Variants in TNXB observed in about 807,000 individuals in gnomAD.
TNXB encodes tenascin XB.
TNXB carries 183 observed loss-of-function variants against 340.5 expected under a neutral mutation model. That is an observed-to-expected ratio of 0.54 (90% CI 0.48 to 0.61). TNXB has a LOEUF of 0.61. TNXB is among the 20% of genes least tolerant of loss of function. The pLI, the probability that TNXB is intolerant of heterozygous loss-of-function variation, is 0.00. For missense variants in TNXB, 4,613 were observed against 5,446.4 expected, an observed-to-expected ratio of 0.85 and a Z score of 4.82; for synonymous variants, 2,121 against 2,314.5, an observed-to-expected ratio of 0.92 and a Z score of 2.40.
At chr6:32,078,991 G>T in intron 11 of TNXB, 42 bp downstream of exon 11, 1 of 1,573,988 alleles carries the variant, frequency 6.4e-7, no homozygotes. Context: ...CTGGGAGCCA[G>T]CAGTGGGAGG....
intron 35 of TNXB, 72 bp downstream of exon 35, chr6:32,043,677 G>A (rs1366224627): frequency 2.5e-5 from 40 of 1,609,294 alleles, no homozygotes; most frequent in South Asian, 1.1e-4. Flanking sequence ...CACCCTCCTC[G>A]TTCTCTCTCA....
rs763806880 is a variant in TNXB, at chr6:32,087,522, C to G, written c.2779+1263G>C. On this transcript the variant is annotated intron_variant, in intron 6 of 43. Coordinates refer to ENST00000644971, the MANE Select transcript of TNXB (RefSeq NM_001365276.2). The surrounding 1 kb of genome is among the most constrained non-coding windows in gnomAD (Gnocchi z 9.0). ...GCACCTCTGGCTTGGGGTGGCGGGACGCAGCCACCCGGTCGACGCCTTCAG... is the reference window on the plus strand; with the variant it reads ...GCACCTCTGGCTTGGGGTGGCGGGAGGCAGCCACCCGGTCGACGCCTTCAG... 2 of 468,822 alleles carry G rather than the reference C, an allele frequency of 4.3e-6. No individual in the cohort carries two copies. Among genetic ancestry groups the G allele is most frequent in the Non-Finnish European group, 4.2e-6 (1 of 236,288 alleles). The allele number at this position is 468,822 out of a possible 1,614,324, so 29.0% of individuals were successfully genotyped here.
intron 1 of TNXB, among the ~76,000 whole-genome samples, chr6:32,103,722 C>T (rs937003408): frequency 4.0e-5 from 6 of 150,116 alleles, no homozygotes; most frequent in Admixed American, 2.7e-4. Flanking sequence ...CACAGTTCAC[C>T]GCATCTTTTT....
Position 32,049,375 on chromosome 6 carries a change from C to T in TNXB, c.9652G>A (p.Glu3218Lys), listed in dbSNP as rs973564766. 9.9e-6 allele frequency: 16 copies of T among 1,612,406 alleles called. No homozygotes were observed. The highest frequency in any genetic ancestry group is 9.3e-5 in the African/African-American group (7 of 74,886). Reference sequence around the variant, plus strand: ...GGCTCCAGGCCCCCCACGGTGACCTCGCTCTCCTCGCCCCTGACACGCACC... The same window carrying T: ...GGCTCCAGGCCCCCCACGGTGACCTTGCTCTCCTCGCCCCTGACACGCACC... ...QVVRVRGEES[E>K]VTVGGLEPGR... The change falls in exon 28 of 44, where the codon GAG (glutamate) becomes AAG (lysine). Residue 3218 changes from glutamate to lysine, a missense_variant. Transcript: ENST00000644971. The surrounding 1 kb of genome is among the most constrained non-coding windows in gnomAD (Gnocchi z 4.5).
In TNXB at chr6:32,046,256, G is replaced by T. The variant is rs565027700; in HGVS notation, c.10525C>A (p.Pro3509Thr). Reference protein sequence around the residue: ...QRTVTVEDLEPGKKYKFLLYG... With the variant: ...QRTVTVEDLETGKKYKFLLYG... ...AGCAGAAACTTGTATTTCTTGCCAG[G>T]CTCCAGGTCCTCTACGGTGACTGTG... Residue 3509 changes from proline (P) to threonine (T), a missense_variant, in exon 31 of 44, where the codon CCT (proline) becomes ACT (threonine). Pro to Thr is a conservative substitution (Grantham distance 38). This residue lies in a region of TNXB where 4,327 missense variants were observed against 4,859.4 expected (regional missense o/e 0.89). Coordinates refer to ENST00000644971, the MANE Select transcript of TNXB (RefSeq NM_001365276.2). The surrounding 1 kb of genome is among the most constrained non-coding windows in gnomAD (Gnocchi z 6.9). The T allele has an allele frequency of 1.2e-6, 2 of 1,605,436 alleles. No individual in the cohort carries two copies. Among genetic ancestry groups the T allele is most frequent in the African/African-American group, 2.7e-5 (2 of 75,032 alleles).
In TNXB at chr6:32,081,521, C is replaced by T. The variant is rs1477360342; in HGVS notation, c.3889G>A (p.Asp1297Asn). The change falls in exon 10 of 44, where the codon GAT becomes AAT. Residue 1297 changes from aspartate (D) to asparagine (N), a missense_variant. Physicochemically the swap from Asp to Asn is conservative, Grantham distance 23. Transcript: ENST00000644971. This position sits in a 1 kb window ranked among gnomAD's most constrained non-coding sequence, Gnocchi z 5.1. ...PFDSFMVQYKDAQGQPQAVPV... is the reference protein window; with the variant it reads ...PFDSFMVQYKNAQGQPQAVPV... The stretch of plus-strand genomic sequence containing the variant: ...ACTGCCTGGGGCTGCCCCTGTGCAT[C>T]CTTGTACTGGACCATGAATGAGTCG... The T allele has an allele frequency of 1.9e-6, 3 of 1,607,598 alleles. No homozygotes were observed. The highest frequency in any genetic ancestry group is 2.5e-6 in the Non-Finnish European group (3 of 1,177,148).
At position 32,095,952 on chromosome 6, in the gene TNXB, C is replaced by A; in HGVS notation, c.1901G>T (p.Gly634Val). The A allele has an allele frequency of 6.2e-7, 1 of 1,613,124 alleles. No individual in the cohort carries two copies. Among genetic ancestry groups the A allele is most frequent in the Non-Finnish European group, 8.5e-7 (1 of 1,179,756 alleles). ...GTAGCCTGGGTCGCACAGGCAGCGC[C>A]CTTCCTCACAGCGGCCCCTCCCGTG... ...NCHGRGRCEEGRCLCDPGYTG... is the reference protein window; with the variant it reads ...NCHGRGRCEEVRCLCDPGYTG... The change falls in exon 3 of 44, where the codon GGG becomes GTG. Residue 634 changes from glycine to valine, a missense_variant. Physicochemically the swap from Gly to Val is moderately radical, Grantham distance 109. Coordinates refer to ENST00000644971, the MANE Select transcript of TNXB (RefSeq NM_001365276.2).
In TNXB at chr6:32,096,024, C is replaced by G. The variant is rs750855600; in HGVS notation, c.1829G>C (p.Gly610Ala). The change falls in exon 3 of 44, where the codon GGC becomes GCC. Residue 610 changes from glycine to alanine, a missense_variant. Physicochemically the swap from Gly to Ala is moderately conservative, Grantham distance 60. Around this residue, in one of 7 missense-constraint regions of TNXB, gnomAD observed 4,327 missense variants for 4,859.4 expected, o/e 0.89. Coordinates refer to ENST00000644971, the MANE Select transcript of TNXB (RefSeq NM_001365276.2). Reference protein sequence around the residue: ...CQDGVCICWEGYVSEDCSIRT... With the variant: ...CQDGVCICWEAYVSEDCSIRT... ...GATGCTGCAGTCCTCACTCACGTAG[C>G]CTTCCCAACAGATGCACACACCGTC... 6.2e-7 allele frequency: 1 copy of G among 1,613,180 alleles called. No homozygotes were observed. Among genetic ancestry groups the G allele is most frequent in the Non-Finnish European group, 8.5e-7 (1 of 1,179,798 alleles).
chr6:32,058,171 T>A lies in TNXB; in HGVS notation c.7712A>T (p.Gln2571Leu), dbSNP rs1229415564. 6 of 1,612,372 alleles carry A rather than the reference T, an allele frequency of 3.7e-6. No homozygotes were observed. Among genetic ancestry groups the A allele is most frequent in the Non-Finnish European group, 5.1e-6 (6 of 1,179,836 alleles). Residue 2571 changes from glutamine (Q) to leucine (L), a missense_variant, in exon 22 of 44, where the codon CAG becomes CTG. Coordinates refer to ENST00000644971, the MANE Select transcript of TNXB (RefSeq NM_001365276.2). The surrounding 1 kb of genome is among the most constrained non-coding windows in gnomAD (Gnocchi z 5.1). ...GCCCCTCACAGTGACCTTGCTCTCCTGGCCCCCAACACGCACCGCCTGGGG... is the reference window on the plus strand; with the variant it reads ...GCCCCTCACAGTGACCTTGCTCTCCAGGCCCCCAACACGCACCGCCTGGGG... ...GRPQAVRVGG[Q>L]ESKVTVRGLE...
Position 32,052,759 on chromosome 6 carries a change from C to T in TNXB, c.9026G>A (p.Gly3009Asp), listed in dbSNP as rs1420007975. Residue 3009 changes from glycine (G) to aspartate (D), a missense_variant, in exon 26 of 44, where the codon GGC (glycine) becomes GAC (aspartate). By Grantham distance (94) the Gly-to-Asp change is moderately conservative. This residue lies in a region of TNXB where 4,327 missense variants were observed against 4,859.4 expected (regional missense o/e 0.89). Transcript: ENST00000644971. The surrounding 1 kb of genome is among the most constrained non-coding windows in gnomAD (Gnocchi z 4.7). Reference sequence around the variant, plus strand: ...CTTGTATTTGCACCCGGGCTCCAGGCCCCCCACGGTGACCTCGCTCTCCTC... The same window carrying T: ...CTTGTATTTGCACCCGGGCTCCAGGTCCCCCACGGTGACCTCGCTCTCCTC... ...RGEESEVTVG[G>D]LEPGCKYKMH... is the part of the protein sequence containing the mutation. 6 of 1,613,682 alleles carry T rather than the reference C, an allele frequency of 3.7e-6. No homozygotes were observed. Among genetic ancestry groups the T allele is most frequent in the South Asian group, 2.2e-5 (2 of 91,082 alleles).
rs576738623 is a variant in TNXB, at chr6:32,047,549, C to A, written c.10324+185G>T. 3.3e-5 allele frequency among the ~76,000 whole-genome samples: 5 copies of A among 152,294 alleles called. No individual in the cohort carries two copies. The East Asian group carries it at 9.6e-4, about 29-fold the overall frequency. On this transcript the variant is annotated intron_variant, in intron 30 of 43. Transcript: ENST00000644971. The surrounding 1 kb of genome is among the most constrained non-coding windows in gnomAD (Gnocchi z 6.2). Reference sequence around the variant, plus strand: ...TCCCTTTTATTTCCTCAGCAGTCAGCGAATGAAAGGAAGTAATGCATATGC... The same window carrying A: ...TCCCTTTTATTTCCTCAGCAGTCAGAGAATGAAAGGAAGTAATGCATATGC...
At position 32,058,234 on chromosome 6, in the gene TNXB, T is replaced by A; in HGVS notation, c.7649A>T (p.Asp2550Val). 1.9e-6 allele frequency: 3 copies of A among 1,611,848 alleles called. No homozygotes were observed. Among genetic ancestry groups the A allele is most frequent in the Non-Finnish European group, 2.5e-6 (3 of 1,179,724 alleles). Reference sequence around the variant, plus strand: ...GTCCTTGTACTGCACGGTGAAGGAGTCAAAGCGGCCCTGGGGGACGGTCCA... The same window carrying A: ...GTCCTTGTACTGCACGGTGAAGGAGACAAAGCGGCCCTGGGGGACGGTCCA... ...LSWTVPQGRF[D>V]SFTVQYKDRD... Residue 2550 changes from aspartate to valine, a missense_variant, in exon 22 of 44, where the codon GAC becomes GTC. Asp to Val is a radical substitution (Grantham distance 152). Around this residue, in one of 7 missense-constraint regions of TNXB, gnomAD observed 4,327 missense variants for 4,859.4 expected, o/e 0.89. Transcript: ENST00000644971. This position sits in a 1 kb window ranked among gnomAD's most constrained non-coding sequence, Gnocchi z 5.1.
Position 32,048,743 on chromosome 6 carries a change from C to T in TNXB, c.9758-93G>A, listed in dbSNP as rs113615093. 2.8e-3 allele frequency: 3,469 copies of T among 1,238,232 alleles called. 17 individuals carry two copies. Among genetic ancestry groups the T allele is most frequent in the African/African-American group, 0.015 (974 of 65,954 alleles). 76.7% of individuals were successfully genotyped at this position (1,238,232 alleles called of 1,614,324 possible). On this transcript the variant is annotated intron_variant, in intron 28 of 43. Transcript: ENST00000644971. ...CAGGACTGGAGTGAGCATTTCTTAGCGGCCTCCTCTAAAACGCTTGTTTTA... is the reference window on the plus strand; with the variant it reads ...CAGGACTGGAGTGAGCATTTCTTAGTGGCCTCCTCTAAAACGCTTGTTTTA...
chr6:32,094,604 A>C (rs2127283933), intron 4 of TNXB, among the ~76,000 whole-genome samples: 1 of 152,324 alleles, frequency 6.6e-6, no homozygotes, highest in East Asian at 1.9e-4. Context: ...ATAAAGACTT[A>C]GGGAAAAGGG....
chr6:32,041,332 G>A lies in TNXB; in HGVS notation c.*17C>T. 1 of 831,188 alleles carries A rather than the reference G, an allele frequency of 1.2e-6. No individual in the cohort carries two copies. Among genetic ancestry groups the A allele is most frequent in the Non-Finnish European group, 2.0e-6 (1 of 492,512 alleles). 51.5% of individuals were successfully genotyped at this position (831,188 alleles called of 1,614,324 possible). A position where few individuals can be genotyped will look rare whatever the true frequency, so the allele number is the denominator to read the frequency against. ...GCTCGGCAGTCATACTGGGGTGCGAGAGAGGTGGGCAGCAGCTCAGCCTCC... is the reference window on the plus strand; with the variant it reads ...GCTCGGCAGTCATACTGGGGTGCGAAAGAGGTGGGCAGCAGCTCAGCCTCC... On this transcript the variant is annotated 3_prime_UTR_variant, in exon 44 of 44. Coordinates refer to ENST00000644971, the MANE Select transcript of TNXB (RefSeq NM_001365276.2).
Position 32,056,181 on chromosome 6 carries a change from A to G in TNXB, c.8144-7T>C. 1.2e-6 allele frequency: 2 copies of G among 1,610,306 alleles called. No individual in the cohort carries two copies. The highest frequency in any genetic ancestry group is 1.7e-6 in the Non-Finnish European group (2 of 1,178,216). On this transcript the variant is annotated splice_region_variant and splice_polypyrimidine_tract_variant and intron_variant, in intron 23 of 43. Transcript: ENST00000644971. Reference sequence around the variant, plus strand: ...GGGGTCTCTTCCTCTGCAGCTGAGAAAAGGAGATATAGAGAGGATGCCAGG... The same window carrying G: ...GGGGTCTCTTCCTCTGCAGCTGAGAGAAGGAGATATAGAGAGGATGCCAGG...
rs1779976117 is a variant in TNXB at position 32,089,359 on chromosome 6, T to TG, written c.2378dup (p.Phe794IlefsTer13). The TG allele has an allele frequency of 6.2e-7, 1 of 1,607,450 alleles. No homozygotes were observed. Among genetic ancestry groups the TG allele is most frequent in the Non-Finnish European group, 8.5e-7 (1 of 1,178,004 alleles). On this transcript the variant is annotated frameshift_variant, in exon 5 of 44. Coordinates refer to ENST00000644971, the MANE Select transcript of TNXB (RefSeq NM_001365276.2). LOFTEE classifies it high-confidence loss of function. The surrounding 1 kb of genome is among the most constrained non-coding windows in gnomAD (Gnocchi z 6.2). ...CAGAGCTTGGAACCCGTGCTGTGAA[T>TG]GGGGGGCTCGCCCCCTCTGTCTGTG...
chr6:32,106,134 G>GT (rs893099313), intron 1 of TNXB, among the ~76,000 whole-genome samples: 2 of 151,190 alleles, frequency 1.3e-5, no homozygotes, highest in African/African-American at 2.4e-5. Flanking sequence ...AGGGGCATGG[G>GT]GGGGGGGGCT....
intron 18 of TNXB, among the ~76,000 whole-genome samples, chr6:32,065,390 T>C (rs1214836339): frequency 2.0e-5 from 3 of 152,160 alleles, no homozygotes; most frequent in African/African-American, 4.8e-5. Context: ...TTCCTTTAAG[T>C]CTTTGTTCAA....
Sources: allele counts gnomAD v4.1 joint callset (sites outside exome capture counted in the v4.1 genomes callset), GRCh38; gene constraint gnomAD v4.1.1; regional missense constraint gnomAD v4.1.1; non-coding constraint Gnocchi (gnomAD v3.1); transcripts MANE v1.5; gene names NCBI Gene and HGNC (gene_info 2026-07-23, HGNC 2026-07-21).